Variants in SEMA3A observed in about 807,000 individuals in gnomAD.
SEMA3A encodes the protein semaphorin 3A.
In SEMA3A, 29 loss-of-function variants were observed where a neutral mutation model predicts 97.9. The observed-to-expected ratio is 0.30, with a 90% CI of 0.22 to 0.40. The LOEUF (loss-of-function observed/expected upper bound fraction) is 0.40. Ranked by LOEUF, SEMA3A falls within the 10% of genes least tolerant of loss-of-function variation. The pLI is 1.00. For synonymous variants in SEMA3A, 321 were observed against 323.7 expected, an observed-to-expected ratio of 0.99 and a Z score of 0.09; for missense variants, 763 against 951.3, an observed-to-expected ratio of 0.80 and a Z score of 2.60.
intron 12 of SEMA3A, among the ~76,000 whole-genome samples, chr7:83,996,086 T>C (rs1484442642): frequency 6.6e-6 from 1 of 152,186 alleles, no homozygotes; most frequent in Non-Finnish European, 1.5e-5. Flanking sequence ...CTGCAACTTG[T>C]TGTAGCATTT....
chr7:84,014,150 A>T, intron 7 of SEMA3A, 59 bp downstream of exon 7: 1 of 1,516,914 alleles, frequency 6.6e-7, no homozygotes, highest in Non-Finnish European at 8.9e-7. Context: ...GAAAATTTTA[A>T]AAAGCAAAGC....
At chr7:84,418,416 C>T (rs570684579) in intron 1 of SEMA3A, among the ~76,000 whole-genome samples, 1 of 152,030 alleles carries the variant, frequency 6.6e-6, no homozygotes, top group Non-Finnish European at 1.5e-5. Context: ...TCCCATGATT[C>T]CATTACCTCC....
At chr7:84,097,010 A>G (rs963115832) in intron 4 of SEMA3A, among the ~76,000 whole-genome samples, 20 of 152,160 alleles carry the variant, frequency 1.3e-4, no homozygotes, top group African/African-American at 4.3e-4. Flanking sequence ...GCTATCTAGC[A>G]TGACAAGAAT....
chr7:84,220,287 C>A (rs888621341), intron 3 of SEMA3A, among the ~76,000 whole-genome samples: 112 of 152,116 alleles, frequency 7.4e-4, no homozygotes, highest in African/African-American at 2.6e-3. Flanking sequence ...TTTTTAATTC[C>A]AGTTCTCTTG....
chr7:84,466,313 C>T (rs1007472044), intron 1 of SEMA3A, among the ~76,000 whole-genome samples: 1 of 151,962 alleles, frequency 6.6e-6, no homozygotes, highest in South Asian at 2.1e-4. Context: ...GCTGGGATTA[C>T]AGGCGCCTGC....
chr7:84,427,481 T>C (rs1313031767), intron 1 of SEMA3A, among the ~76,000 whole-genome samples: 4 of 151,590 alleles, frequency 2.6e-5, no homozygotes, highest in Admixed American at 6.6e-5. Flanking sequence ...ACCCTGTCTC[T>C]ACTAAAATTA....
At chr7:84,208,248 C>G (rs865805187) in intron 3 of SEMA3A, among the ~76,000 whole-genome samples, 4 of 151,892 alleles carry the variant, frequency 2.6e-5, no homozygotes, top group Admixed American at 1.3e-4. Context: ...GTCAGGAGAT[C>G]GAGACCATCC....
chr7:84,196,775 G>A (rs1584114380), upstream of SEMA3A, among the ~76,000 whole-genome samples: 1 of 152,012 alleles, frequency 6.6e-6, no homozygotes, highest in Admixed American at 6.6e-5. Flanking sequence ...TTGGACTAAT[G>A]AATTATCCTA....
chr7:84,473,431 G>C (rs1293585396), intron 1 of SEMA3A, among the ~76,000 whole-genome samples: 1 of 150,662 alleles, frequency 6.6e-6, no homozygotes, highest in Non-Finnish European at 1.5e-5. Context: ...ATCTCACTCT[G>C]TTGCCCAGGC....
chr7:84,108,214 C>G (rs982578900), intron 4 of SEMA3A, among the ~76,000 whole-genome samples: 1 of 151,924 alleles, frequency 6.6e-6, no homozygotes, highest in African/African-American at 2.4e-5. Flanking sequence ...AACTTAGATA[C>G]AGAGGAGGTA....
intron 1 of SEMA3A, among the ~76,000 whole-genome samples, chr7:84,147,960 A>G (rs1459769371): frequency 6.6e-6 from 1 of 151,830 alleles, no homozygotes. Context: ...CCCAGGCCGG[A>G]GTGCAGTAGC....
chr7:84,175,734 CT>C (rs113449224), intron 1 of SEMA3A, among the ~76,000 whole-genome samples: 7 of 151,276 alleles, frequency 4.6e-5, no homozygotes, highest in Admixed American at 1.3e-4. Flanking sequence ...CTACAGCAAC[CT>C]TTTTTTTTCC....
At chr7:84,319,271 G>A (rs1474913552) in intron 2 of SEMA3A, among the ~76,000 whole-genome samples, 1 of 152,048 alleles carries the variant, frequency 6.6e-6, no homozygotes, top group Non-Finnish European at 1.5e-5. Flanking sequence ...ATATTTAGAG[G>A]GAAAAGGAAA....
At chr7:84,310,434 G>A (rs539747032) in intron 2 of SEMA3A, among the ~76,000 whole-genome samples, 19 of 151,904 alleles carry the variant, frequency 1.3e-4, no homozygotes, top group South Asian at 4.2e-4. Flanking sequence ...GGTTCCATTA[G>A]TGTCAGGTAA....
At chr7:84,324,848 T>C (rs1801733625) in intron 2 of SEMA3A, among the ~76,000 whole-genome samples, 1 of 152,132 alleles carries the variant, frequency 6.6e-6, no homozygotes, top group Admixed American at 6.5e-5. Flanking sequence ...ATAACTTCAT[T>C]CTTTCAACAT....
chr7:84,449,264 T>C (rs1805501713), intron 1 of SEMA3A, among the ~76,000 whole-genome samples: 1 of 152,108 alleles, frequency 6.6e-6, no homozygotes, highest in South Asian at 2.1e-4. Flanking sequence ...GAATGAAACG[T>C]ATAGATGTAA....
chr7:84,413,983 GAAGA>G (rs1279652180), intron 1 of SEMA3A, among the ~76,000 whole-genome samples: 2 of 152,028 alleles, frequency 1.3e-5, no homozygotes, highest in Non-Finnish European at 2.9e-5. Context: ...TCCAAATTTA[GAAGA>G]CAGAAAAATT....
At chr7:84,414,396 A>T (rs898099070) in intron 1 of SEMA3A, among the ~76,000 whole-genome samples, 1 of 113,484 alleles carries the variant, frequency 8.8e-6, no homozygotes. Context: ...GCTAAAAGTA[A>T]AAAAAAAAAA....
At chr7:84,274,928 T>C (rs1180539443) in intron 3 of SEMA3A, among the ~76,000 whole-genome samples, 1 of 152,042 alleles carries the variant, frequency 6.6e-6, no homozygotes, top group Admixed American at 6.6e-5. Context: ...ATTATATCTG[T>C]AGGTATGATC....
Sources: gnomAD v4.1 joint callset for allele counts (sites outside exome capture counted in the v4.1 genomes callset) on GRCh38, gnomAD v4.1.1 for gene constraint, MANE v1.5 for transcripts, NCBI Gene and HGNC (gene_info 2026-07-23, HGNC 2026-07-21) for gene names.